Variants in CAPRIN1 observed in about 807,000 individuals in gnomAD.
CAPRIN1 encodes the protein caprin-1.
In CAPRIN1, 29 loss-of-function variants were observed where a neutral mutation model predicts 100.9. The ratio of observed to expected loss-of-function variants is 0.29; its 90% CI spans 0.21 to 0.39. CAPRIN1 has a LOEUF of 0.39. Among genes scored for constraint, CAPRIN1 ranks in the 10% least tolerant of loss-of-function variants. The pLI, the probability that CAPRIN1 is intolerant of heterozygous loss-of-function variation, is 1.00. For missense variants in CAPRIN1, 795 were observed against 876.7 expected (o/e 0.91, Z 1.18); for synonymous variants, 338 against 307.5 (o/e 1.10, Z -1.04).
rs370367941 is a variant in CAPRIN1 at position 34,071,796 on chromosome 11, T to A, written c.279+8T>A. ...CTTAATCAAGATCAGCTGGTAAAGA[T>A]GTTATATTTTTTATTTTAGACCTAA... On this transcript the variant is annotated splice_region_variant and intron_variant, in intron 3 of 18. Coordinates refer to ENST00000341394, the MANE Select transcript of CAPRIN1 (RefSeq NM_005898.5). 22 of 1,454,144 alleles carry A rather than the reference T, an allele frequency of 1.5e-5. No individual in the cohort carries two copies. The African/African-American group carries it at 2.3e-4, about 15-fold the overall frequency. The allele number at this position is 1,454,144 out of a possible 1,614,324, so 90.1% of individuals were successfully genotyped here.
chr11:34,082,786 A>G lies in CAPRIN1; in HGVS notation c.827-39A>G, dbSNP rs1851059358. 4 of 1,552,906 alleles carry G rather than the reference A, an allele frequency of 2.6e-6. No homozygotes were observed. In the South Asian group the frequency reaches 4.5e-5, roughly 18 times the overall value. Reference sequence around the variant, plus strand: ...CAGAGTAGAGTAGTATCACTGACCTAAAAATCCTTTTGTTTTGCACCATTT... The same window carrying G: ...CAGAGTAGAGTAGTATCACTGACCTGAAAATCCTTTTGTTTTGCACCATTT... On this transcript the variant is annotated intron_variant, in intron 7 of 18. Transcript: ENST00000341394.
Position 34,093,054 on chromosome 11 carries a change from T to G in CAPRIN1, c.1705+998T>G, listed in dbSNP as rs1329844490. 3.4e-5 allele frequency among the ~76,000 whole-genome samples: 5 copies of G among 145,368 alleles called. No homozygotes were observed. The East Asian group carries it at 1.0e-3, about 29-fold the overall frequency. On this transcript the variant is annotated intron_variant, in intron 15 of 18. Coordinates refer to ENST00000341394, the MANE Select transcript of CAPRIN1 (RefSeq NM_005898.5). ...TTTTTTTTTTTTTGTAGAGATAGGG[T>G]CTCCAGGAGCTCACTATGATGCCAG...
rs1271974434 is a variant in CAPRIN1, at chr11:34,100,342, A to T, written c.*975A>T. On this transcript the variant is annotated 3_prime_UTR_variant, in exon 19 of 19. Coordinates refer to ENST00000341394, the MANE Select transcript of CAPRIN1 (RefSeq NM_005898.5). ...TCCTTCAGCTTGAAAGCTTTTTTTTAAAAGGAAAAGATACCAAATGCCTGC... is the reference window on the plus strand; with the variant it reads ...TCCTTCAGCTTGAAAGCTTTTTTTTTAAAGGAAAAGATACCAAATGCCTGC... 6.6e-6 allele frequency: 1 copy of T among 152,056 alleles called. No homozygotes were observed. The highest frequency in any genetic ancestry group is 1.5e-5 in the Non-Finnish European group (1 of 68,004). The allele number at this position is 152,056 out of a possible 1,614,324, so 9.4% of individuals were successfully genotyped here. A position where few individuals can be genotyped will look rare whatever the true frequency, so the allele number is the denominator to read the frequency against.
intron 4 of CAPRIN1, among the ~76,000 whole-genome samples, chr11:34,073,928 A>G (rs1442204905): frequency 1.3e-5 from 2 of 152,232 alleles, no homozygotes; most frequent in African/African-American, 4.8e-5. Flanking sequence ...TCCAAGATCA[A>G]GGTACCAGCA....
chr11:34,057,722 TTTA>T (rs2134083742), intron 2 of CAPRIN1, among the ~76,000 whole-genome samples: 1 of 152,300 alleles, frequency 6.6e-6, no homozygotes, highest in South Asian at 2.1e-4. Flanking sequence ...TTAATTTTTA[TTTA>T]TTATCATTAT....
intron 2 of CAPRIN1, 108 bp downstream of exon 2, chr11:34,052,744 AG>A: frequency 7.0e-7 from 1 of 1,423,738 alleles, no homozygotes; most frequent in Non-Finnish European, 9.5e-7. Context: ...GAGCGTTACT[AG>A]GTCCCCTCCT....
chr11:34,098,774 A>C (rs1851409026), intron 18 of CAPRIN1: 5 of 984,854 alleles, frequency 5.1e-6, no homozygotes, highest in Non-Finnish European at 6.0e-6. Flanking sequence ...TTTTAACAGC[A>C]TGTAAAAAGT....
chr11:34,057,979 C>G (rs1850489138), intron 2 of CAPRIN1, among the ~76,000 whole-genome samples: 1 of 151,792 alleles, frequency 6.6e-6, no homozygotes, highest in South Asian at 2.1e-4. Context: ...CTTCAGCCTC[C>G]AAAGTGTTGG....
intron 2 of CAPRIN1, chr11:34,055,935 C>T (rs1385787890): frequency 4.6e-5 from 7 of 152,208 alleles, no homozygotes. Flanking sequence ...AAACCCAGGG[C>T]ATTTGGATTT....
In CAPRIN1 at chr11:34,091,911, C is replaced by A; in HGVS notation, c.1560C>A (p.Phe520Leu). The change falls in exon 15 of 19, where the codon TTC becomes TTA. Residue 520 changes from phenylalanine to leucine, a missense_variant. Physicochemically the swap from Phe to Leu is conservative, Grantham distance 22 (BLOSUM62 0). This residue lies in a region of CAPRIN1 where 648 missense variants were observed against 697.9 expected (regional missense o/e 0.93). Coordinates refer to ENST00000341394, the MANE Select transcript of CAPRIN1 (RefSeq NM_005898.5). ...AAPFQSMQTVFNMNAPVPPVN... is the reference protein window; with the variant it reads ...AAPFQSMQTVLNMNAPVPPVN... ...TTTACTTTATTTACTAACAGGTGTT[C>A]AATATGAATGCCCCAGTTCCTCCTG... 6.2e-7 allele frequency: 1 copy of A among 1,610,510 alleles called. No individual in the cohort carries two copies. Among genetic ancestry groups the A allele is most frequent in the Non-Finnish European group, 8.5e-7 (1 of 1,178,786 alleles).
At chr11:34,053,348 C>G (rs1339189901) in intron 2 of CAPRIN1, 1 of 169,606 alleles carries the variant, frequency 5.9e-6, no homozygotes, top group Non-Finnish European at 1.2e-5. Context: ...TCTGCAGCGA[C>G]TTTTTGTTCC....
rs560265618 is a variant in CAPRIN1 at position 34,100,544 on chromosome 11, T to G, written c.*1177T>G. On this transcript the variant is annotated 3_prime_UTR_variant, in exon 19 of 19. Coordinates refer to ENST00000341394, the MANE Select transcript of CAPRIN1 (RefSeq NM_005898.5). The stretch of plus-strand genomic sequence containing the variant: ...CACTGGTGTTCAACAGCTAGCAGCT[T>G]ATGTGATTCACCCCATGCCACGTTA... The G allele has an allele frequency of 6.6e-6, 1 of 152,192 alleles. No homozygotes were observed. Among genetic ancestry groups the G allele is most frequent in the Non-Finnish European group, 1.5e-5 (1 of 68,012 alleles). 9.4% of individuals were successfully genotyped at this position (152,192 alleles called of 1,614,324 possible).
rs115660753 is a variant in CAPRIN1 at position 34,056,773 on chromosome 11, T to A, written c.216+4137T>A. Among the ~76,000 whole-genome samples, 934 of 152,320 alleles carry A rather than the reference T, an allele frequency of 6.1e-3. 14 individuals carry two copies. Among genetic ancestry groups the A allele is most frequent in the African/African-American group, 0.021 (889 of 41,566 alleles). ...TAGATGACATTTAAAATTGTTATATTCTTTGTGAATATAATAGGTTTAGAC... is the reference window on the plus strand; with the variant it reads ...TAGATGACATTTAAAATTGTTATATACTTTGTGAATATAATAGGTTTAGAC... On this transcript the variant is annotated intron_variant, in intron 2 of 18. Coordinates refer to ENST00000341394, the MANE Select transcript of CAPRIN1 (RefSeq NM_005898.5).
chr11:34,079,847 TTAGTTTTCATA>T, intron 7 of CAPRIN1, 82 bp downstream of exon 7: 1 of 1,285,012 alleles, frequency 7.8e-7, no homozygotes, highest in Non-Finnish European at 1.1e-6. Flanking sequence ...ATACACTTAC[TTAGTTTTCATA>T]TATGTACACT....
chr11:34,054,695 G>C (rs112082147), intron 2 of CAPRIN1, among the ~76,000 whole-genome samples: 18 of 152,276 alleles, frequency 1.2e-4, no homozygotes, highest in Non-Finnish European at 2.4e-4. Flanking sequence ...CCAAAGTGCT[G>C]TTACAGGAGT....
chr11:34,071,291 C>T (rs982692604), intron 2 of CAPRIN1, among the ~76,000 whole-genome samples: 2 of 152,018 alleles, frequency 1.3e-5, no homozygotes, highest in African/African-American at 4.8e-5. Flanking sequence ...AGGCTGGGCG[C>T]GGTGGCTCAT....
intron 2 of CAPRIN1, among the ~76,000 whole-genome samples, chr11:34,067,850 C>T: frequency 6.6e-6 from 1 of 152,068 alleles, no homozygotes; most frequent in Admixed American, 6.6e-5. Context: ...TGCATACTTT[C>T]TTTTGTCATA....
chr11:34,090,065 C>T, intron 12 of CAPRIN1, 114 bp from the exon 13 acceptor site: 1 of 540,578 alleles, frequency 1.8e-6, no homozygotes, highest in East Asian at 3.1e-5. Context: ...TAATTTCTCC[C>T]TTCTTTAGCA....
chr11:34,056,401 A>G (rs1358245851), intron 2 of CAPRIN1: 1 of 152,256 alleles, frequency 6.6e-6, no homozygotes, highest in African/African-American at 2.4e-5. Flanking sequence ...GCATCTGCTC[A>G]TTGAGAATGC....
Sources: allele counts gnomAD v4.1 joint callset (sites outside exome capture counted in the v4.1 genomes callset), GRCh38; gene constraint gnomAD v4.1.1; regional missense constraint gnomAD v4.1.1; transcripts MANE v1.5; gene names NCBI Gene and HGNC (gene_info 2026-07-23, HGNC 2026-07-21).